The following FRAS1 variants were observed in gnomAD, a reference collection of about 807,000 sequenced individuals.
FRAS1 encodes the protein Fraser extracellular matrix complex subunit 1.
FRAS1 carries 290 observed loss-of-function variants against 435.2 expected under a neutral mutation model. That is an observed-to-expected ratio of 0.67 (90% CI 0.61 to 0.73). The LOEUF (loss-of-function observed/expected upper bound fraction) is 0.73, where lower values mean the gene tolerates loss of function less well. Among genes scored for constraint, FRAS1 ranks in the 30% least tolerant of loss-of-function variants. The pLI is 0.00. For missense variants in FRAS1, 4,860 were observed against 5,001.5 expected, an observed-to-expected ratio of 0.97 and a Z score of 0.85; for synonymous variants, 1,800 against 1,851.0, an observed-to-expected ratio of 0.97 and a Z score of 0.71.
At chr4:78,451,401 A>T (rs923099350) in intron 45 of FRAS1, among the ~76,000 whole-genome samples, 9 of 152,250 alleles carry the variant, frequency 5.9e-5, no homozygotes, top group African/African-American at 2.2e-4. Flanking sequence ...ATTCCAATAT[A>T]TAATAGGGTC....
intron 2 of FRAS1, among the ~76,000 whole-genome samples, chr4:78,123,308 A>G (rs962036558): frequency 6.6e-6 from 1 of 152,090 alleles, no homozygotes; most frequent in Non-Finnish European, 1.5e-5. Context: ...GTTATTTCTG[A>G]GGCCTCTGTT....
In FRAS1 at chr4:78,265,033, T is replaced by G. The variant is rs1726281525; in HGVS notation, c.612T>G (p.Thr204=). ...CQPLFCNQDE[T]VVRVPGKCCP... ...CTGTTCTGCGTGTTAAGGATGAGAC[T>G]GTAGTCCGAGTCCCTGGAAAATGTT... Residue 204 remains threonine, a synonymous_variant, in exon 7 of 74, where the codon ACT becomes ACG. Coordinates refer to ENST00000512123, the MANE Select transcript of FRAS1 (RefSeq NM_025074.7). The G allele has an allele frequency of 1.2e-6, 2 of 1,605,764 alleles. No homozygotes were observed. Among genetic ancestry groups the G allele is most frequent in the South Asian group, 2.2e-5 (2 of 90,714 alleles).
chr4:78,307,456 C>T (rs1728808522), intron 14 of FRAS1, among the ~76,000 whole-genome samples: 1 of 152,214 alleles, frequency 6.6e-6, no homozygotes, highest in Admixed American at 6.5e-5. Context: ...GGCGCCCCTC[C>T]CCCAGCCTTG....
In FRAS1 at chr4:78,282,927, C is replaced by T. The variant is rs756996619; in HGVS notation, c.1215C>T (p.Ala405=). ...SCPPCPVGTL[A]LEVKGQCCPD... ...CACCATGTCCAGTGGGCACACTGGCCTTAGAGGTGAAGGGACAGTGCTGTC... is the reference window on the plus strand; with the variant it reads ...CACCATGTCCAGTGGGCACACTGGCTTTAGAGGTGAAGGGACAGTGCTGTC... The change falls in exon 12 of 74, where the codon GCC becomes GCT. Residue 405 remains alanine, a synonymous_variant. Coordinates refer to ENST00000512123, the MANE Select transcript of FRAS1 (RefSeq NM_025074.7). The T allele has an allele frequency of 6.2e-7, 1 of 1,608,772 alleles. No individual in the cohort carries two copies. The highest frequency in any genetic ancestry group is 1.3e-5 in the African/African-American group (1 of 74,706).
chr4:78,276,997 C>T (rs1727077104), intron 9 of FRAS1, among the ~76,000 whole-genome samples: 1 of 152,166 alleles, frequency 6.6e-6, no homozygotes, highest in African/African-American at 2.4e-5. Context: ...TGTTTACCCA[C>T]TCAAGCCTCA....
chr4:78,268,361 C>T (rs1726479910), intron 9 of FRAS1, among the ~76,000 whole-genome samples: 1 of 152,198 alleles, frequency 6.6e-6, no homozygotes, highest in South Asian at 2.1e-4. Flanking sequence ...TAGGTCTTGA[C>T]AGAGTTGAGA....
intron 47 of FRAS1, among the ~76,000 whole-genome samples, chr4:78,463,509 A>G (rs1229235506): frequency 6.6e-6 from 1 of 152,214 alleles, no homozygotes; most frequent in East Asian, 1.9e-4. Flanking sequence ...AAGAACCTTG[A>G]AGAATATTCA....
intron 20 of FRAS1, among the ~76,000 whole-genome samples, chr4:78,347,648 A>G (rs368313): frequency 0.17 from 25,785 of 152,152 alleles, 2,886 homozygotes; most frequent in African/African-American, 0.32. Flanking sequence ...AACTGGCACC[A>G]TCTGCAAACA....
intron 2 of FRAS1, among the ~76,000 whole-genome samples, chr4:78,125,214 A>G (rs558269034): frequency 1.8e-4 from 28 of 152,324 alleles, no homozygotes; most frequent in South Asian, 4.1e-4. Flanking sequence ...GTTTCAAAGA[A>G]CATCTTTATT....
At chr4:78,393,213 A>AT (rs1481174320) in intron 29 of FRAS1, among the ~76,000 whole-genome samples, 2 of 151,950 alleles carry the variant, frequency 1.3e-5, no homozygotes, top group African/African-American at 2.4e-5. Context: ...TTATTTACTT[A>AT]TTTTTTGTGG....
At chr4:78,534,401 A>G in intron 70 of FRAS1, 48 bp from the exon 71 acceptor site, 1 of 1,558,790 alleles carries the variant, frequency 6.4e-7, no homozygotes, top group Non-Finnish European at 8.8e-7. Context: ...TGACATATGC[A>G]AAGCTGACCC....
intron 2 of FRAS1, among the ~76,000 whole-genome samples, chr4:78,076,105 C>CT (rs1183418022): frequency 1.3e-5 from 2 of 152,010 alleles, no homozygotes; most frequent in Non-Finnish European, 2.9e-5. Flanking sequence ...GTTCCTTCTC[C>CT]TTTTTTTCAT....
At position 78,496,787 on chromosome 4, in the gene FRAS1, T is replaced by C; in HGVS notation, c.8959-18T>C. 1 of 1,606,002 alleles carries C rather than the reference T, an allele frequency of 6.2e-7. No individual in the cohort carries two copies. The highest frequency in any genetic ancestry group is 1.7e-4 in the Middle Eastern group (1 of 6,040). On this transcript the variant is annotated intron_variant, in intron 59 of 73. Transcript: ENST00000512123. ...ATCTTGCTGAAAATTTTAATCTGTC[T>C]TGTGCCATTGGCTCTAGGTGAAGAA... is the stretch of plus-strand genomic sequence containing the variant.
In FRAS1 at chr4:78,255,328, G is replaced by T; in HGVS notation, c.556G>T (p.Val186Phe). The change falls in exon 6 of 74, where the codon GTT becomes TTT. Residue 186 changes from valine to phenylalanine, a missense_variant. Physicochemically the swap from Val to Phe is conservative, Grantham distance 50 (BLOSUM62 -1). Coordinates refer to ENST00000512123, the MANE Select transcript of FRAS1 (RefSeq NM_025074.7). ...RCAKCLCRNG[V>F]AQCFTAQCQP... is the part of the protein sequence containing the mutation. ...TGCCAAATGTCTGTGTAGAAATGGG[G>T]TTGCCCAGTGCTTCACAGCTCAGTG... The T allele has an allele frequency of 1.3e-6, 2 of 1,580,560 alleles. No homozygotes were observed. Among genetic ancestry groups the T allele is most frequent in the Non-Finnish European group, 1.7e-6 (2 of 1,162,486 alleles).
At chr4:78,463,936 G>A (rs1266894607) in intron 47 of FRAS1, 85 bp from the exon 48 acceptor site, 1 of 1,409,024 alleles carries the variant, frequency 7.1e-7, no homozygotes, top group Non-Finnish European at 9.9e-7. Flanking sequence ...TCTCTATCTG[G>A]TGAGAGTATG....
chr4:78,393,693 G>T (rs1479003491), intron 29 of FRAS1, among the ~76,000 whole-genome samples: 1 of 151,992 alleles, frequency 6.6e-6, no homozygotes, highest in Non-Finnish European at 1.5e-5. Context: ...TCTGTATCTT[G>T]TCTATTGTGA....
At chr4:78,513,281 A>C in intron 64 of FRAS1, 111 bp from the exon 65 acceptor site, 1 of 1,095,476 alleles carries the variant, frequency 9.1e-7, no homozygotes, top group South Asian at 1.4e-5. Flanking sequence ...CAGGAAGAAA[A>C]AAAAATGGTA....
chr4:78,084,516 T>G (rs1741050996), intron 2 of FRAS1, among the ~76,000 whole-genome samples: 1 of 152,094 alleles, frequency 6.6e-6, no homozygotes, highest in Non-Finnish European at 1.5e-5. Context: ...TCATGGATTT[T>G]AACATATTTG....
At chr4:78,307,474 C>G (rs1395213579) in intron 14 of FRAS1, among the ~76,000 whole-genome samples, 1 of 152,224 alleles carries the variant, frequency 6.6e-6, no homozygotes, top group Admixed American at 6.5e-5. Flanking sequence ...TTGCTGCCGC[C>G]TTGCAGTTTG....
Sources: gnomAD v4.1 joint callset for allele counts (sites outside exome capture counted in the v4.1 genomes callset) on GRCh38, gnomAD v4.1.1 for gene constraint, MANE v1.5 for transcripts, NCBI Gene and HGNC (gene_info 2026-07-23, HGNC 2026-07-21) for gene names.